The following LAMB4 variants were observed in gnomAD, a reference collection of about 807,000 sequenced individuals.
The protein encoded by LAMB4 is laminin subunit beta 4.
In LAMB4, 196 loss-of-function variants were observed where a neutral mutation model predicts 199.2. The observed-to-expected ratio is 0.98, with a 90% CI of 0.88 to 1.11. The LOEUF (loss-of-function observed/expected upper bound fraction) is 1.11. Ranked by LOEUF, LAMB4 falls within the 50% of genes least tolerant of loss-of-function variation. LAMB4 has a pLI of 0.00. For missense variants in LAMB4, 2,080 were observed against 2,171.2 expected, an observed-to-expected ratio of 0.96 and a Z score of 0.83; for synonymous variants, 744 against 770.6, an observed-to-expected ratio of 0.97 and a Z score of 0.57.
At chr7:108,074,468 A>C (rs2036630408) in intron 17 of LAMB4, among the ~76,000 whole-genome samples, 1 of 152,054 alleles carries the variant, frequency 6.6e-6, no homozygotes. Flanking sequence ...TCCCAGGTTC[A>C]AGTGATTCTT....
intron 30 of LAMB4, among the ~76,000 whole-genome samples, chr7:108,036,595 C>T (rs933954354): frequency 2.0e-5 from 3 of 152,172 alleles, no homozygotes; most frequent in African/African-American, 4.8e-5. Context: ...CGTTTATACA[C>T]GTGGATGATG....
chr7:108,122,149 G>A (rs73197626), intron 2 of LAMB4, among the ~76,000 whole-genome samples: 293 of 152,298 alleles, frequency 1.9e-3, no homozygotes, highest in Non-Finnish European at 3.4e-3. Context: ...ACTGTGGATC[G>A]GTTTAGAACT....
intron 27 of LAMB4, 22 bp from the exon 28 acceptor site, chr7:108,048,133 GT>G: frequency 9.9e-7 from 1 of 1,006,810 alleles, no homozygotes; most frequent in East Asian, 2.8e-5. Flanking sequence ...AATGATTTAC[GT>G]TAAATAGCAA....
chr7:108,062,591 C>G (rs2036200472), intron 23 of LAMB4, 183 bp downstream of exon 23: 1 of 389,842 alleles, frequency 2.6e-6, no homozygotes, highest in East Asian at 3.7e-5. Flanking sequence ...CTTTGAGATG[C>G]TCATTCTCTT....
chr7:108,127,158 A>G (rs2038819813), intron 1 of LAMB4, among the ~76,000 whole-genome samples: 1 of 148,548 alleles, frequency 6.7e-6, no homozygotes, highest in Non-Finnish European at 1.5e-5. Flanking sequence ...ACTTTACTGC[A>G]CATTAAAATC....
rs911994851 is a variant in LAMB4, at chr7:108,032,498, G to C, written c.4819-1519C>G. ...GGTTGTTCCTTTGGAGAGGATTTTT[G>C]TTTGCCTCTGCCAGGCATCTGGGAG... is the stretch of plus-strand genomic sequence containing the variant. On this transcript the variant is annotated intron_variant, in intron 31 of 33. Coordinates refer to ENST00000388781, the MANE Select transcript of LAMB4 (RefSeq NM_007356.3). Among the ~76,000 whole-genome samples the C allele has an allele frequency of 2.6e-5, 4 of 152,082 alleles. No individual in the cohort carries two copies. In the East Asian group the frequency reaches 5.8e-4, roughly 22 times the overall value.
At chr7:108,030,683 C>A in intron 32 of LAMB4, 123 bp downstream of exon 32, 1 of 884,034 alleles carries the variant, frequency 1.1e-6, no homozygotes, top group Non-Finnish European at 1.8e-6. Context: ...AAAGATATAC[C>A]ATTGAGTCAT....
chr7:108,100,892 T>A (rs387981), intron 10 of LAMB4, among the ~76,000 whole-genome samples: 52,336 of 152,064 alleles, frequency 0.34, 9,512 homozygotes, highest in Non-Finnish European at 0.4. Context: ...TTATATCAAT[T>A]TTGAACAGGT....
chr7:108,044,671 G>T, intron 28 of LAMB4, among the ~76,000 whole-genome samples: 1 of 152,116 alleles, frequency 6.6e-6, no homozygotes, highest in East Asian at 1.9e-4. Context: ...AATAAAATCC[G>T]CTGGGCATGG....
intron 24 of LAMB4, among the ~76,000 whole-genome samples, chr7:108,057,486 G>A (rs1021421609): frequency 1.1e-4 from 16 of 152,162 alleles, no homozygotes; most frequent in Non-Finnish European, 1.5e-4. Context: ...GTTGCCATGC[G>A]TGGCTATGTA....
chr7:108,090,904 G>C (rs2037373797), intron 14 of LAMB4, among the ~76,000 whole-genome samples: 1 of 152,022 alleles, frequency 6.6e-6, no homozygotes, highest in Admixed American at 6.6e-5. Context: ...CAGTAAAAGA[G>C]CAAATTCCAA....
At chr7:108,012,369 C>T in the LAMB4 span, among the ~76,000 whole-genome samples, 1 of 152,134 alleles carries the variant, frequency 6.6e-6, no homozygotes, top group Non-Finnish European at 1.5e-5. Context: ...GTTAAGGGGA[C>T]TCTTGCCTTA....
chr7:108,073,336 C>T (rs894654719), intron 17 of LAMB4, among the ~76,000 whole-genome samples: 2 of 152,242 alleles, frequency 1.3e-5, no homozygotes, highest in African/African-American at 4.8e-5. Context: ...CCATGACTCA[C>T]TTCTTCTACC....
At chr7:108,022,996 T>C (rs1470394636), downstream of LAMB4, among the ~76,000 whole-genome samples, 1 of 152,046 alleles carries the variant, frequency 6.6e-6, no homozygotes, top group Non-Finnish European at 1.5e-5. Context: ...GTATTTTTAG[T>C]AGAGACAAGG....
intron 14 of LAMB4, among the ~76,000 whole-genome samples, chr7:108,082,325 G>A (rs924985931): frequency 8.5e-5 from 10 of 117,200 alleles, no homozygotes; most frequent in South Asian, 2.9e-4. Flanking sequence ...GCGAGACTCC[G>A]TCTTAAAAAA....
downstream of LAMB4, among the ~76,000 whole-genome samples, chr7:108,020,835 A>G (rs1442623861): frequency 6.6e-6 from 1 of 152,250 alleles, no homozygotes; most frequent in Non-Finnish European, 1.5e-5. Context: ...CCACTGAATT[A>G]GAATATGTAC....
rs942270978 is a variant in LAMB4 at position 108,068,113 on chromosome 7, T to A, written c.2349A>T (p.Arg783=). 2 of 1,613,982 alleles carry A rather than the reference T, an allele frequency of 1.2e-6. No homozygotes were observed. The highest frequency in any genetic ancestry group is 2.7e-5 in the African/African-American group (2 of 74,904). The change falls in exon 19 of 34, where the codon CGA becomes CGT. Residue 783 remains arginine (R), a synonymous_variant. Transcript: ENST00000388781. The part of the protein sequence containing the change: ...PQGSVGSSCS[R]LGGQCQCKPL... ...GTTTACACTGGCACTGGCCTCCAAG[T>A]CGGCTGCAGCTGGATCCGACTGAGC...
chr7:108,067,881 T>C (rs1428508346), intron 19 of LAMB4, 135 bp downstream of exon 19: 15 of 1,065,242 alleles, frequency 1.4e-5, no homozygotes, highest in African/African-American at 4.7e-5. Context: ...GTATATTTTA[T>C]GTACATAGAT....
At chr7:108,111,707 C>T in intron 4 of LAMB4, 104 bp downstream of exon 4, 1 of 980,036 alleles carries the variant, frequency 1.0e-6, no homozygotes, top group Non-Finnish European at 1.6e-6. Context: ...CTGTTCCATT[C>T]CAATATAATA....
Sources: gnomAD v4.1 joint callset for allele counts (sites outside exome capture counted in the v4.1 genomes callset) on GRCh38, gnomAD v4.1.1 for gene constraint, MANE v1.5 for transcripts, NCBI Gene and HGNC (gene_info 2026-07-23, HGNC 2026-07-21) for gene names.